The following ADARB2 variants were observed in gnomAD, a reference collection of about 807,000 sequenced individuals.
ADARB2 encodes adenosine deaminase RNA specific B2 (inactive), also known as inactive double-stranded RNA-specific editase B2.
A neutral mutation model predicts 62.2 loss-of-function variants in ADARB2; 25 were observed. The observed-to-expected ratio is 0.40, with a 90% CI of 0.29 to 0.56. ADARB2 has a LOEUF of 0.56. ADARB2 is among the 20% of genes least tolerant of loss of function. The probability of loss-of-function intolerance (pLI) is 0.43; values close to 1 mark genes in which losing one functional copy is unlikely to be tolerated. For synonymous variants in ADARB2, 572 were observed against 500.8 expected (o/e 1.14, Z -1.90); for missense variants, 1,071 against 1,077.4 (o/e 0.99, Z 0.08).
intron 1 of ADARB2, among the ~76,000 whole-genome samples, chr10:1,594,226 G>A (rs1833303123): frequency 6.6e-6 from 1 of 152,180 alleles, no homozygotes; most frequent in Non-Finnish European, 1.5e-5. Context: ...AGGAGGCAGA[G>A]GTTGCAGGGA....
chr10:1,636,935 T>G (rs1044939785), intron 1 of ADARB2, among the ~76,000 whole-genome samples: 6 of 150,334 alleles, frequency 4.0e-5, no homozygotes, highest in African/African-American at 1.5e-4. Flanking sequence ...TATCTCTCTC[T>G]ATATATAAAA....
chr10:1,645,116 T>C (rs1588336470), intron 1 of ADARB2, among the ~76,000 whole-genome samples: 1 of 152,358 alleles, frequency 6.6e-6, no homozygotes, highest in South Asian at 2.1e-4. Context: ...CCTGGGATTC[T>C]GGCAGGGGAT....
intron 3 of ADARB2, among the ~76,000 whole-genome samples, chr10:1,302,273 C>T (rs1462011972): frequency 6.6e-6 from 1 of 152,204 alleles, no homozygotes; most frequent in East Asian, 1.9e-4. Context: ...TGACGGACGG[C>T]ACCTGGAAAA....
chr10:1,515,791 C>A (rs1360140070), intron 1 of ADARB2, among the ~76,000 whole-genome samples: 1 of 152,208 alleles, frequency 6.6e-6, no homozygotes, highest in African/African-American at 2.4e-5. Flanking sequence ...ACTGATTGCC[C>A]GGCTGGCACC....
At chr10:1,544,014 CAAACA>C (rs1564324408) in intron 1 of ADARB2, among the ~76,000 whole-genome samples, 5 of 19,420 alleles carry the variant, frequency 2.6e-4, no homozygotes, top group African/African-American at 5.0e-4. Flanking sequence ...AAAAAAAAAA[CAAACA>C]AAAAAAAAAA....
intron 1 of ADARB2, among the ~76,000 whole-genome samples, chr10:1,605,865 A>G (rs1306313097): frequency 6.6e-6 from 1 of 152,202 alleles, no homozygotes; most frequent in Non-Finnish European, 1.5e-5. Context: ...TATCTGGCAA[A>G]TGAATGTCTA....
At position 1,737,128 on chromosome 10, in the gene ADARB2, C is replaced by A. The variant is rs763896714; in HGVS notation, c.23G>T (p.Gly8Val). The change falls in exon 1 of 10, where the codon GGC (glycine) becomes GTC (valine). Residue 8 changes from glycine to valine, a missense_variant. Gly to Val is a moderately radical substitution (Grantham distance 109). Coordinates refer to ENST00000381312, the MANE Select transcript of ADARB2 (RefSeq NM_018702.4). MASVLGSGRGSGGLSSQL... is the reference protein window; with the variant it reads MASVLGSVRGSGGLSSQL... ...ACTGCTCAGCCCTCCAGACCCTCTG[C>A]CGCTCCCCAGGACCGAGGCCATGGC... 1.3e-5 allele frequency: 21 copies of A among 1,609,538 alleles called. No homozygotes were observed. In the African/African-American group the frequency reaches 2.0e-4, roughly 15 times the overall value.
At chr10:1,641,094 T>C (rs76133528) in intron 1 of ADARB2, among the ~76,000 whole-genome samples, 1 of 152,238 alleles carries the variant, frequency 6.6e-6, no homozygotes, top group Non-Finnish European at 1.5e-5. Context: ...AACATTTTCA[T>C]AAACTACAAA....
intron 1 of ADARB2, among the ~76,000 whole-genome samples, chr10:1,633,896 C>G (rs72766727): frequency 0.016 from 2,373 of 152,252 alleles, 35 homozygotes; most frequent in South Asian, 0.028. Context: ...TGTCCTGTGC[C>G]AGCACCATGT....
intron 1 of ADARB2, among the ~76,000 whole-genome samples, chr10:1,529,849 G>A (rs183008341): frequency 1.5e-4 from 23 of 152,178 alleles, no homozygotes; most frequent in Non-Finnish European, 2.6e-4. Flanking sequence ...CTGGGAAGCC[G>A]CTCTCTGCTC....
intron 1 of ADARB2, among the ~76,000 whole-genome samples, chr10:1,524,208 C>T (rs1208805121): frequency 1.3e-5 from 2 of 152,092 alleles, no homozygotes; most frequent in Non-Finnish European, 2.9e-5. Context: ...TCTTATAATA[C>T]AATGAATGTA....
At chr10:1,591,607 G>C (rs1833254492) in intron 1 of ADARB2, among the ~76,000 whole-genome samples, 1 of 151,798 alleles carries the variant, frequency 6.6e-6, no homozygotes, top group East Asian at 1.9e-4. Context: ...CACATTAAAT[G>C]GATCTCTAGT....
chr10:1,482,744 A>G (rs547975156), intron 1 of ADARB2, among the ~76,000 whole-genome samples: 1 of 152,162 alleles, frequency 6.6e-6, no homozygotes, highest in Non-Finnish European at 1.5e-5. Flanking sequence ...TGTTGTCTGC[A>G]TTGGAATGCA....
At chr10:1,537,125 A>G (rs1464609144) in intron 1 of ADARB2, among the ~76,000 whole-genome samples, 1 of 152,240 alleles carries the variant, frequency 6.6e-6, no homozygotes, top group Non-Finnish European at 1.5e-5. Context: ...AGAAAAAAAC[A>G]AACAACCCCG....
chr10:1,692,602 G>A (rs528477281), intron 1 of ADARB2, among the ~76,000 whole-genome samples: 1 of 152,262 alleles, frequency 6.6e-6, no homozygotes, highest in Non-Finnish European at 1.5e-5. Context: ...GGAGGAATTG[G>A]AGGTCCAATC....
chr10:1,496,448 A>C (rs959463718), intron 1 of ADARB2, among the ~76,000 whole-genome samples: 14 of 152,048 alleles, frequency 9.2e-5, no homozygotes, highest in Admixed American at 9.2e-4. Context: ...CATTATCATT[A>C]GTATCAACAT....
At chr10:1,243,835 G>A (rs1830951210) in intron 4 of ADARB2, among the ~76,000 whole-genome samples, 1 of 152,194 alleles carries the variant, frequency 6.6e-6, no homozygotes, top group Non-Finnish European at 1.5e-5. Flanking sequence ...GCTTCTCCCA[G>A]CAGCCCCCGT....
intron 1 of ADARB2, among the ~76,000 whole-genome samples, chr10:1,395,853 C>T (rs1245268644): frequency 6.6e-6 from 1 of 152,218 alleles, no homozygotes; most frequent in Non-Finnish European, 1.5e-5. Context: ...CCAGGCCTTG[C>T]TGACGCTTGC....
At chr10:1,301,847 A>G (rs1467635787) in intron 3 of ADARB2, among the ~76,000 whole-genome samples, 1 of 152,216 alleles carries the variant, frequency 6.6e-6, no homozygotes, top group African/African-American at 2.4e-5. Flanking sequence ...TGTTCCCTGT[A>G]CCTGCTGCCT....
Sources: allele counts gnomAD v4.1 joint callset (sites outside exome capture counted in the v4.1 genomes callset), GRCh38; gene constraint gnomAD v4.1.1; transcripts MANE v1.5; gene names NCBI Gene and HGNC (gene_info 2026-07-23, HGNC 2026-07-21).